The following GLIS3 variants were observed in gnomAD, a reference collection of about 807,000 sequenced individuals.
GLIS3 encodes GLIS family zinc finger 3, also known as zinc finger protein GLIS3.
In GLIS3, 53 loss-of-function variants were observed where a neutral mutation model predicts 78.6. The observed-to-expected ratio is 0.67, with a 90% CI of 0.54 to 0.85. The LOEUF (loss-of-function observed/expected upper bound fraction) is 0.85, where lower values mean the gene tolerates loss of function less well. GLIS3 is among the 40% of genes least tolerant of loss of function. The pLI is 0.00. For missense variants in GLIS3, 1,703 were observed against 1,231.1 expected (o/e 1.38, Z -5.74); for synonymous variants, 684 against 509.9 (o/e 1.34, Z -4.60).
chr9:4,193,783 A>C (rs1563732345), intron 2 of GLIS3, among the ~76,000 whole-genome samples: 1 of 152,212 alleles, frequency 6.6e-6, no homozygotes, highest in East Asian at 1.9e-4. Flanking sequence ...AAATACGTTG[A>C]CTAAAACTGC....
intron 4 of GLIS3, among the ~76,000 whole-genome samples, chr9:3,955,764 G>C: frequency 6.6e-6 from 1 of 152,050 alleles, no homozygotes; most frequent in Non-Finnish European, 1.5e-5. Flanking sequence ...TTATAGTTAA[G>C]GATAGACTGT....
the GLIS3 span, among the ~76,000 whole-genome samples, chr9:4,384,490 TTCTC>T: frequency 7.3e-5 from 11 of 151,348 alleles, no homozygotes; most frequent in African/African-American, 2.4e-4. Flanking sequence ...TTCTCTTTCT[TTCTC>T]TCTCTTTCCC....
chr9:3,857,927 G>A (rs915156909), intron 8 of GLIS3, among the ~76,000 whole-genome samples: 12 of 152,184 alleles, frequency 7.9e-5, no homozygotes, highest in East Asian at 5.8e-4. Context: ...GTGGGAGAGC[G>A]ATGAGCAATT....
intron 2 of GLIS3, among the ~76,000 whole-genome samples, chr9:4,340,855 C>G (rs1474464034): frequency 3.3e-5 from 5 of 152,112 alleles, no homozygotes; most frequent in African/African-American, 9.7e-5. Context: ...GTGACCCCTC[C>G]TGGCTAATTT....
At chr9:4,379,124 G>C in the GLIS3 span, among the ~76,000 whole-genome samples, 4 of 152,134 alleles carry the variant, frequency 2.6e-5, no homozygotes, top group Non-Finnish European at 4.4e-5. Context: ...CTGGACTGTA[G>C]GAAGGCGGAT....
chr9:3,907,919 C>T (rs1028506721), intron 6 of GLIS3, among the ~76,000 whole-genome samples: 3 of 152,174 alleles, frequency 2.0e-5, no homozygotes, highest in African/African-American at 7.2e-5. Flanking sequence ...GAGAGGCAAT[C>T]AGCAGCACTT....
At chr9:3,923,263 G>T (rs1370923412) in intron 6 of GLIS3, among the ~76,000 whole-genome samples, 1 of 152,148 alleles carries the variant, frequency 6.6e-6, no homozygotes. Context: ...TAACACCTTA[G>T]CAGGGCACAT....
intron 3 of GLIS3, among the ~76,000 whole-genome samples, chr9:4,122,471 C>G (rs966608889): frequency 6.6e-6 from 1 of 152,084 alleles, no homozygotes; most frequent in African/African-American, 2.4e-5. Flanking sequence ...TGTGGATATA[C>G]TCTCAAAGGA....
the GLIS3 span, among the ~76,000 whole-genome samples, chr9:4,426,055 C>T: frequency 6.6e-6 from 1 of 152,188 alleles, no homozygotes; most frequent in Non-Finnish European, 1.5e-5. Flanking sequence ...TCATGCAATG[C>T]AAAACTTGGC....
At chr9:3,883,844 A>G (rs181034291) in intron 7 of GLIS3, among the ~76,000 whole-genome samples, 59 of 152,344 alleles carry the variant, frequency 3.9e-4, no homozygotes, top group Admixed American at 3.0e-3. Context: ...TTTGTGATTA[A>G]GAGATGGTAG....
chr9:4,051,791 T>C (rs1458815727), intron 4 of GLIS3, among the ~76,000 whole-genome samples: 1 of 152,204 alleles, frequency 6.6e-6, no homozygotes, highest in East Asian at 1.9e-4. Context: ...CAAACTCCAC[T>C]AACAAATAGG....
intron 2 of GLIS3, among the ~76,000 whole-genome samples, chr9:4,171,055 GCCAC>G (rs1816331185): frequency 6.6e-6 from 1 of 152,114 alleles, no homozygotes; most frequent in South Asian, 2.1e-4. Flanking sequence ...GAGATTTATT[GCCAC>G]CCACATATAT....
At chr9:4,015,052 T>C (rs978926010) in intron 4 of GLIS3, among the ~76,000 whole-genome samples, 100 of 152,310 alleles carry the variant, frequency 6.6e-4, no homozygotes, top group African/African-American at 2.4e-3. Context: ...ATTTAACTGC[T>C]AGTAAAGTGA....
At chr9:4,459,935 G>T in the GLIS3 span, among the ~76,000 whole-genome samples, 4 of 152,252 alleles carry the variant, frequency 2.6e-5, no homozygotes, top group African/African-American at 7.2e-5. Context: ...TCACCATGGT[G>T]GGGGAGAGGG....
intron 2 of GLIS3, among the ~76,000 whole-genome samples, chr9:4,275,075 T>G (rs1360265100): frequency 6.6e-6 from 1 of 152,228 alleles, no homozygotes; most frequent in South Asian, 2.1e-4. Context: ...GTAGCAAATC[T>G]ATTCACATTC....
chr9:4,299,280 C>T (rs1234852143), intron 1 of GLIS3, 141 bp downstream of exon 1: 1 of 152,172 alleles, frequency 6.6e-6, no homozygotes, highest in Non-Finnish European at 1.5e-5. Flanking sequence ...CTTAAACCCG[C>T]GCGAACGCCA....
At chr9:4,416,504 C>A in the GLIS3 span, among the ~76,000 whole-genome samples, 1 of 152,002 alleles carries the variant, frequency 6.6e-6, no homozygotes, top group Non-Finnish European at 1.5e-5. Context: ...TGCTTGCCTT[C>A]TTTTTGTAAT....
chr9:4,319,983 T>TTGTGTGTGTGTGTG (rs58794068), intron 2 of GLIS3, among the ~76,000 whole-genome samples: 1 of 145,080 alleles, frequency 6.9e-6, no homozygotes, highest in Non-Finnish European at 1.5e-5. Context: ...GTAGAGGGGG[T>TTGTGTGTGTGTGTG]TGTGTGTGTG....
Position 3,898,859 on chromosome 9 carries a change from C to T in GLIS3, c.1984-24G>A, listed in dbSNP as rs767982176. 4 of 1,613,528 alleles carry T rather than the reference C, an allele frequency of 2.5e-6. No individual in the cohort carries two copies. The South Asian group carries it at 4.4e-5, about 18-fold the overall frequency. On this transcript the variant is annotated intron_variant, in intron 6 of 10. Transcript: ENST00000381971. ...AACTAAGAGGACAAAACGGAAGAGA[C>T]ATCGATAAGGAGAGCCGGTCCTTGG...
Sources: gnomAD v4.1 joint callset for allele counts (sites outside exome capture counted in the v4.1 genomes callset) on GRCh38, gnomAD v4.1.1 for gene constraint, MANE v1.5 for transcripts, NCBI Gene and HGNC (gene_info 2026-07-23, HGNC 2026-07-21) for gene names.